IMMP2L: variants seen among roughly 807,000 people sequenced by gnomAD.
IMMP2L encodes the protein mitochondrial inner membrane protease subunit 2.
In IMMP2L, 18 loss-of-function variants were observed where a neutral mutation model predicts 19.3. The observed-to-expected ratio is 0.93, with a 90% confidence interval of 0.64 to 1.38. The LOEUF (loss-of-function observed/expected upper bound fraction) is 1.38, where lower values mean the gene tolerates loss of function less well. Ranked by LOEUF, IMMP2L falls within the 40% of genes most tolerant of loss-of-function variation. The pLI, the probability that IMMP2L is intolerant of heterozygous loss-of-function variation, is 0.00. For synonymous variants in IMMP2L, 76 were observed against 73.0 expected (o/e 1.04, Z -0.21); for missense variants, 233 against 218.2 (o/e 1.07, Z -0.43).
intron 5 of IMMP2L, among the ~76,000 whole-genome samples, chr7:110,751,629 T>C (rs1797725486): frequency 6.6e-6 from 1 of 152,072 alleles, no homozygotes. Context: ...AGAAGGTAGC[T>C]GCCTCACAGC....
At chr7:111,524,552 C>T (rs1846656093) in intron 1 of IMMP2L, among the ~76,000 whole-genome samples, 2 of 152,130 alleles carry the variant, frequency 1.3e-5, no homozygotes, top group Non-Finnish European at 2.9e-5. Context: ...CCCACTCCGA[C>T]TCAGACCTCC....
rs56387151 is a variant in IMMP2L at position 110,775,249 on chromosome 7, C to CTGTG, written c.408+111340_408+111343dup. ...TACGAGTGCATAATGCTTAAGTCAG[C>CTGTG]TGTGTGTGTGTGTGTGTGTGTGTGT... On this transcript the variant is annotated intron_variant, in intron 5 of 5. Transcript: ENST00000405709. Among the ~76,000 whole-genome samples, 855 of 146,532 alleles carry CTGTG rather than the reference C, an allele frequency of 5.8e-3. 6 individuals are homozygous for CTGTG. Among genetic ancestry groups the CTGTG allele is most frequent in the East Asian group, 0.035 (172 of 4,878 alleles).
intron 3 of IMMP2L, among the ~76,000 whole-genome samples, chr7:111,281,152 AAGAC>A (rs1431844302): frequency 0.043 from 1,894 of 43,752 alleles, 72 homozygotes; most frequent in African/African-American, 0.12. Context: ...GAAAGACAGA[AAGAC>A]AGAAAGAAAG....
intron 3 of IMMP2L, among the ~76,000 whole-genome samples, chr7:111,466,940 G>A (rs1209388177): frequency 6.6e-6 from 1 of 152,082 alleles, no homozygotes; most frequent in Non-Finnish European, 1.5e-5. Context: ...TTCACATCAG[G>A]GACTTGAGCA....
chr7:110,778,237 T>G (rs1388814537), intron 5 of IMMP2L, among the ~76,000 whole-genome samples: 2 of 151,938 alleles, frequency 1.3e-5, no homozygotes, highest in Non-Finnish European at 2.9e-5. Flanking sequence ...AAAAACAGAC[T>G]TTAAATTTTG....
chr7:110,874,502 C>T (rs958208756), intron 5 of IMMP2L, among the ~76,000 whole-genome samples: 7 of 151,846 alleles, frequency 4.6e-5, no homozygotes, highest in African/African-American at 1.7e-4. Context: ...AATAAAATTT[C>T]ACATTAATAT....
intron 3 of IMMP2L, among the ~76,000 whole-genome samples, chr7:111,001,724 G>A (rs1297879316): frequency 6.6e-6 from 1 of 152,082 alleles, no homozygotes; most frequent in East Asian, 1.9e-4. Flanking sequence ...AGTTAATTGT[G>A]AGCATTAGTG....
chr7:111,537,902 C>T (rs1364043764), intron 1 of IMMP2L, among the ~76,000 whole-genome samples: 1 of 152,008 alleles, frequency 6.6e-6, no homozygotes, highest in East Asian at 1.9e-4. Context: ...ATATGCCACA[C>T]TTTTACTTGT....
At chr7:111,129,755 T>C (rs1272066447) in intron 3 of IMMP2L, among the ~76,000 whole-genome samples, 1 of 152,094 alleles carries the variant, frequency 6.6e-6, no homozygotes, top group Non-Finnish European at 1.5e-5. Context: ...ACTTGAGTGT[T>C]AAGAGTGACC....
chr7:111,277,840 C>T (rs942586012), intron 3 of IMMP2L, among the ~76,000 whole-genome samples: 1 of 152,024 alleles, frequency 6.6e-6, no homozygotes, highest in Non-Finnish European at 1.5e-5. Context: ...ACCTAAGTGC[C>T]CATCAGCAGA....
At chr7:111,350,342 C>T (rs1201882099) in intron 3 of IMMP2L, among the ~76,000 whole-genome samples, 1 of 119,112 alleles carries the variant, frequency 8.4e-6, no homozygotes, top group African/African-American at 3.5e-5. Context: ...ATCAAGCTTG[C>T]ATATATACAT....
At chr7:110,927,976 G>T (rs1027401190) in intron 4 of IMMP2L, among the ~76,000 whole-genome samples, 2 of 151,784 alleles carry the variant, frequency 1.3e-5, no homozygotes, top group African/African-American at 4.8e-5. Flanking sequence ...TTCTTGATAT[G>T]TTTCCTCTCC....
chr7:111,332,335 A>T (rs1825961749), intron 3 of IMMP2L, among the ~76,000 whole-genome samples: 1 of 152,022 alleles, frequency 6.6e-6, no homozygotes, highest in South Asian at 2.1e-4. Flanking sequence ...AATTAAAATC[A>T]AAACATCAGT....
In IMMP2L at chr7:111,466,716, C is replaced by T. The variant is rs186518881; in HGVS notation, c.239+20522G>A. ...CATCCATATCTGTGGGTTCCACATC[C>T]ATGGATTCAGCCAAAAGCAGATCAA... is the stretch of plus-strand genomic sequence containing the variant. On this transcript the variant is annotated intron_variant, in intron 3 of 5. Coordinates refer to ENST00000405709, the MANE Select transcript of IMMP2L (RefSeq NM_032549.4). Among the ~76,000 whole-genome samples the T allele has an allele frequency of 1.3e-3, 203 of 152,226 alleles. 2 individuals carry two copies. Among genetic ancestry groups the T allele is most frequent in the African/African-American group, 4.7e-3 (196 of 41,522 alleles).
At chr7:111,463,309 C>G (rs1019877788) in intron 3 of IMMP2L, among the ~76,000 whole-genome samples, 5 of 152,046 alleles carry the variant, frequency 3.3e-5, no homozygotes, top group African/African-American at 1.2e-4. Context: ...TTCAACTTTT[C>G]TGGGGGGGAT....
chr7:111,321,502 A>G (rs1395228571), intron 3 of IMMP2L, among the ~76,000 whole-genome samples: 2 of 151,950 alleles, frequency 1.3e-5, no homozygotes, highest in African/African-American at 2.4e-5. Flanking sequence ...TGGAAAAAAA[A>G]CTACAACAAT....
At chr7:111,478,256 C>A (rs534953470) in intron 3 of IMMP2L, among the ~76,000 whole-genome samples, 4 of 152,214 alleles carry the variant, frequency 2.6e-5, no homozygotes, top group African/African-American at 9.6e-5. Context: ...GTCTAATTTT[C>A]TAATAAACTA....
intron 3 of IMMP2L, among the ~76,000 whole-genome samples, chr7:111,462,720 T>C (rs1467884201): frequency 6.6e-6 from 1 of 152,060 alleles, no homozygotes; most frequent in Non-Finnish European, 1.5e-5. Flanking sequence ...CCCTATCATG[T>C]CCACCTCTAA....
At position 111,436,569 on chromosome 7, in the gene IMMP2L, A is replaced by AT. The variant is rs199741336; in HGVS notation, c.239+50668dup. Among the ~76,000 whole-genome samples, 325 of 151,832 alleles carry AT rather than the reference A, an allele frequency of 2.1e-3. 9 individuals carry two copies. The highest frequency in any genetic ancestry group is 7.4e-3 in the African/African-American group (307 of 41,232). On this transcript the variant is annotated intron_variant, in intron 3 of 5. Coordinates refer to ENST00000405709, the MANE Select transcript of IMMP2L (RefSeq NM_032549.4). ...ACACATATATGAATACTTTTTAAACATTTTTTCTCATTATGTAAAAAATCA... is the reference window on the plus strand; with the variant it reads ...ACACATATATGAATACTTTTTAAACATTTTTTTCTCATTATGTAAAAAATCA...
Sources: gnomAD v4.1 joint callset for allele counts (sites outside exome capture counted in the v4.1 genomes callset) on GRCh38, gnomAD v4.1.1 for gene constraint, MANE v1.5 for transcripts, NCBI Gene and HGNC (gene_info 2026-07-23, HGNC 2026-07-21) for gene names.